Variants in PRDM16 observed in about 807,000 individuals in gnomAD.
The protein encoded by PRDM16 is histone-lysine N-methyltransferase PRDM16.
In PRDM16, 23 loss-of-function variants were observed where a neutral mutation model predicts 110.6. That is an observed-to-expected ratio of 0.21 (90% CI 0.15 to 0.29). The LOEUF (loss-of-function observed/expected upper bound fraction) is 0.29. Ranked by LOEUF, PRDM16 falls within the 10% of genes least tolerant of loss-of-function variation. PRDM16 has a pLI of 1.00. For synonymous variants in PRDM16, 799 were observed against 781.8 expected (o/e 1.02, Z -0.37); for missense variants, 1,615 against 1,794.3 (o/e 0.90, Z 1.81).
intron 1 of PRDM16, among the ~76,000 whole-genome samples, chr1:3,089,338 C>G (rs565018398): frequency 6.6e-6 from 1 of 152,332 alleles, no homozygotes; most frequent in East Asian, 1.9e-4. Context: ...ACCCCTGGGA[C>G]CCACCCCCCA....
At position 3,353,239 on chromosome 1, in the gene PRDM16, C is replaced by T. The variant is rs1048730438; in HGVS notation, c.439-31913C>T. On this transcript the variant is annotated intron_variant, in intron 3 of 16. Transcript: ENST00000270722. The surrounding 1 kb of genome is among the most constrained non-coding windows in gnomAD (Gnocchi z 5.4). ...TGTGAAATGCATGTTGCCTGAGGTG[C>T]GGTAAAAGTTTACGAGGGCTGGGCA... Among the ~76,000 whole-genome samples, 4 of 152,198 alleles carry T rather than the reference C, an allele frequency of 2.6e-5. No individual in the cohort carries two copies. Among genetic ancestry groups the T allele is most frequent in the Non-Finnish European group, 5.9e-5 (4 of 68,016 alleles).
intron 14 of PRDM16, among the ~76,000 whole-genome samples, chr1:3,429,852 G>A (rs991870482): frequency 1.8e-4 from 28 of 152,250 alleles, no homozygotes; most frequent in African/African-American, 6.0e-4. Flanking sequence ...GCACACAGGC[G>A]AGTCCGAGAC....
intron 1 of PRDM16, among the ~76,000 whole-genome samples, chr1:3,137,341 G>A (rs552068159): frequency 3.3e-5 from 5 of 152,342 alleles, no homozygotes; most frequent in African/African-American, 9.6e-5. Context: ...CCTGTCACTC[G>A]GAGCAAGGAA....
At chr1:3,360,449 C>T (rs1642691376) in intron 3 of PRDM16, among the ~76,000 whole-genome samples, 2 of 152,202 alleles carry the variant, frequency 1.3e-5, no homozygotes, top group African/African-American at 2.4e-5. Context: ...CTGACACCAC[C>T]GACACGTTGT....
chr1:3,259,665 C>T (rs1237947942), intron 3 of PRDM16, among the ~76,000 whole-genome samples: 1 of 152,208 alleles, frequency 6.6e-6, no homozygotes, highest in Non-Finnish European at 1.5e-5. Context: ...AAGTGTTTTG[C>T]AGCGTAGCCT....
At chr1:3,161,516 A>T (rs114000328) in intron 1 of PRDM16, among the ~76,000 whole-genome samples, 1 of 152,300 alleles carries the variant, frequency 6.6e-6, no homozygotes, top group African/African-American at 2.4e-5. Context: ...ATGGGTCGGG[A>T]ATGGGGAGAA....
intron 3 of PRDM16, among the ~76,000 whole-genome samples, chr1:3,325,751 T>A (rs534570931): frequency 6.6e-6 from 1 of 150,680 alleles, no homozygotes; most frequent in South Asian, 2.1e-4. Context: ...CTCCTTGGAC[T>A]TCCTTGGCGA....
At chr1:3,101,769 C>T (rs184484866) in intron 1 of PRDM16, among the ~76,000 whole-genome samples, 64 of 152,304 alleles carry the variant, frequency 4.2e-4, no homozygotes, top group Admixed American at 6.5e-4. Context: ...GAAGGAATGC[C>T]GGCCCAGCTC....
chr1:3,226,876 C>T (rs1299231599), intron 2 of PRDM16, among the ~76,000 whole-genome samples: 1 of 152,024 alleles, frequency 6.6e-6, no homozygotes, highest in Non-Finnish European at 1.5e-5. Flanking sequence ...CGCTAATCAA[C>T]ATCCAATGCC....
chr1:3,091,524 G>A (rs913838477), intron 1 of PRDM16, among the ~76,000 whole-genome samples: 2 of 152,242 alleles, frequency 1.3e-5, no homozygotes, highest in African/African-American at 2.4e-5. Flanking sequence ...TCCTCTCCAC[G>A]CCTGCCCCGT....
chr1:3,203,796 G>C (rs149427436), intron 2 of PRDM16, among the ~76,000 whole-genome samples: 107 of 152,256 alleles, frequency 7.0e-4, no homozygotes, highest in African/African-American at 2.5e-3. Flanking sequence ...TCCAACTCAG[G>C]CCGCGTTCTC....
At chr1:3,368,690 AT>A (rs1259825367) in intron 3 of PRDM16, among the ~76,000 whole-genome samples, 1 of 152,088 alleles carries the variant, frequency 6.6e-6, no homozygotes, top group Non-Finnish European at 1.5e-5. Flanking sequence ...ATTCAGCAGG[AT>A]TTTTTCTTCT....
At chr1:3,321,366 A>G (rs1448643638) in intron 3 of PRDM16, among the ~76,000 whole-genome samples, 32 of 140,762 alleles carry the variant, frequency 2.3e-4, no homozygotes, top group Admixed American at 2.2e-3. Context: ...GTGTGTGACT[A>G]TGTGCATTTG....
intron 1 of PRDM16, among the ~76,000 whole-genome samples, chr1:3,103,621 C>A (rs749951325): frequency 1.8e-4 from 27 of 152,178 alleles, no homozygotes; most frequent in Non-Finnish European, 5.9e-5. Context: ...GGTGCCCAGG[C>A]CATTGGGCAT....
intron 3 of PRDM16, among the ~76,000 whole-genome samples, chr1:3,277,771 A>G (rs908174897): frequency 3.3e-4 from 47 of 144,552 alleles, no homozygotes; most frequent in Middle Eastern, 3.3e-3. Context: ...ACACGCGCAC[A>G]CACACGCACA....
At chr1:3,230,216 C>T (rs781387581) in intron 2 of PRDM16, among the ~76,000 whole-genome samples, 6 of 152,230 alleles carry the variant, frequency 3.9e-5, no homozygotes, top group Non-Finnish European at 5.9e-5. Flanking sequence ...CATCCCTGAC[C>T]TGCCCGACGG....
intron 3 of PRDM16, among the ~76,000 whole-genome samples, chr1:3,372,521 G>T (rs927121191): frequency 6.6e-6 from 1 of 152,234 alleles, no homozygotes; most frequent in Non-Finnish European, 1.5e-5. Context: ...CTGGGCTCCC[G>T]CCTCACCCCG....
At chr1:3,118,140 CATGT>C (rs1643009852) in intron 1 of PRDM16, among the ~76,000 whole-genome samples, 2 of 151,106 alleles carry the variant, frequency 1.3e-5, no homozygotes, top group African/African-American at 2.4e-5. Flanking sequence ...TGTGTACATG[CATGT>C]GTGTGCATGC....
At chr1:3,356,183 C>T (rs576561948) in intron 3 of PRDM16, among the ~76,000 whole-genome samples, 29 of 152,224 alleles carry the variant, frequency 1.9e-4, no homozygotes, top group African/African-American at 6.8e-4. Flanking sequence ...TTTCGCACAC[C>T]AGCACGCGGG....
Sources: allele counts gnomAD v4.1 joint callset (sites outside exome capture counted in the v4.1 genomes callset), GRCh38; gene constraint gnomAD v4.1.1; non-coding constraint Gnocchi (gnomAD v3.1); transcripts MANE v1.5; gene names NCBI Gene and HGNC (gene_info 2026-07-23, HGNC 2026-07-21).